TENM2: variants seen among roughly 807,000 people sequenced by gnomAD.
TENM2 encodes the protein teneurin transmembrane protein 2.
A neutral mutation model predicts 245.2 loss-of-function variants in TENM2; 52 were observed. The ratio of observed to expected loss-of-function variants is 0.21; its 90% CI spans 0.17 to 0.27. The LOEUF is 0.27. Among genes scored for constraint, TENM2 ranks in the 10% least tolerant of loss-of-function variants. TENM2 has a pLI of 1.00. For synonymous variants in TENM2, 1,363 were observed against 1,438.9 expected (o/e 0.95, Z 1.19); for missense variants, 3,046 against 3,666.8 (o/e 0.83, Z 4.37).
At chr5:167,086,545 G>T in the TENM2 span, among the ~76,000 whole-genome samples, 2 of 152,124 alleles carry the variant, frequency 1.3e-5, no homozygotes, top group Non-Finnish European at 2.9e-5. Flanking sequence ...ATGCATAGGA[G>T]CCAGCTGCTA....
At chr5:167,406,227 A>C (rs1581955624) in intron 2 of TENM2, among the ~76,000 whole-genome samples, 1 of 152,164 alleles carries the variant, frequency 6.6e-6, no homozygotes. Flanking sequence ...CCACCTTGTC[A>C]GTTCTCATCC....
At position 167,354,154 on chromosome 5, in the gene TENM2, A is replaced by T. The variant is rs542062526; in HGVS notation, c.227-21044A>T. Among the ~76,000 whole-genome samples the T allele has an allele frequency of 6.8e-3, 1,033 of 152,292 alleles. 4 individuals are homozygous for T. Among genetic ancestry groups the T allele is most frequent in the Non-Finnish European group, 0.012 (804 of 68,024 alleles). ...TTTACATGGGTAAAGACCAGCCGGA[A>T]CTGCCAAGGCAGATCTGGCGTGATG... On this transcript the variant is annotated intron_variant, in intron 1 of 28. Coordinates refer to ENST00000518659, the Ensembl canonical transcript of TENM2.
chr5:168,241,469 CCAGGCTGGTCTCAAACTCCTGACCT>C (rs1342619703), intron 25 of TENM2, among the ~76,000 whole-genome samples: 24 of 150,516 alleles, frequency 1.6e-4, no homozygotes, highest in Admixed American at 1.6e-3. Flanking sequence ...ACCATGTTGG[CCAGGCTGGTCTCAAACTCCTGACCT>C]CAGGTGATCT....
intron 2 of TENM2, among the ~76,000 whole-genome samples, chr5:167,608,338 A>T (rs917048074): frequency 6.6e-6 from 1 of 152,170 alleles, no homozygotes; most frequent in Non-Finnish European, 1.5e-5. Context: ...AGTGTCTCCC[A>T]AACTTTGAGA....
intron 5 of TENM2, among the ~76,000 whole-genome samples, chr5:167,993,470 C>G (rs1783822294): frequency 6.6e-6 from 1 of 152,222 alleles, no homozygotes; most frequent in Non-Finnish European, 1.5e-5. Flanking sequence ...TCCCGCAAAC[C>G]TATCCCTCAC....
At chr5:168,171,321 C>A (rs930338434) in intron 13 of TENM2, among the ~76,000 whole-genome samples, 3 of 152,316 alleles carry the variant, frequency 2.0e-5, no homozygotes, top group Middle Eastern at 3.4e-3. Context: ...GATAAGGATA[C>A]AAAGGCTCAA....
chr5:168,113,079 G>A (rs532421933), intron 9 of TENM2, among the ~76,000 whole-genome samples: 1 of 152,328 alleles, frequency 6.6e-6, no homozygotes, highest in South Asian at 2.1e-4. Flanking sequence ...CACTTTGGGA[G>A]GCTGAGGCAG....
At chr5:168,120,633 C>A (rs546670507) in intron 10 of TENM2, among the ~76,000 whole-genome samples, 1 of 152,230 alleles carries the variant, frequency 6.6e-6, no homozygotes, top group East Asian at 1.9e-4. Context: ...AAACAAGCCA[C>A]GTGAATCATT....
At chr5:167,283,229 A>T (rs140433667), upstream of TENM2, among the ~76,000 whole-genome samples, 11 of 151,796 alleles carry the variant, frequency 7.2e-5, no homozygotes, top group African/African-American at 2.2e-4. Flanking sequence ...TTGTATTTTC[A>T]GTAGAGACGG....
At chr5:167,280,919 A>G (rs912979016), upstream of TENM2, among the ~76,000 whole-genome samples, 71 of 151,634 alleles carry the variant, frequency 4.7e-4, no homozygotes, top group African/African-American at 1.7e-3. Flanking sequence ...TCTTCTTTCT[A>G]CTTTTCATAA....
chr5:167,665,155 G>A (rs1755486173), intron 2 of TENM2, among the ~76,000 whole-genome samples: 1 of 152,108 alleles, frequency 6.6e-6, no homozygotes, highest in African/African-American at 2.4e-5. Context: ...TTACTCTTCT[G>A]AATCTCTGTT....
chr5:167,384,702 G>GCACGCACACACA (rs72135068), intron 2 of TENM2, among the ~76,000 whole-genome samples: 2 of 146,864 alleles, frequency 1.4e-5, no homozygotes, highest in African/African-American at 2.5e-5. Context: ...GCACACGCGT[G>GCACGCACACACA]CGCGCACACA....
intron 2 of TENM2, among the ~76,000 whole-genome samples, chr5:167,640,880 T>C (rs1331144858): frequency 3.2e-5 from 2 of 62,966 alleles, no homozygotes; most frequent in African/African-American, 1.2e-4. Flanking sequence ...TATATATATA[T>C]ATATATATAT....
the TENM2 span, among the ~76,000 whole-genome samples, chr5:167,017,212 T>C: frequency 6.6e-6 from 1 of 152,214 alleles, no homozygotes; most frequent in Non-Finnish European, 1.5e-5. Context: ...TAACTGCTTA[T>C]TGGTGGTCCT....
chr5:167,853,309 A>G (rs1223429446), intron 2 of TENM2, among the ~76,000 whole-genome samples: 1 of 138,584 alleles, frequency 7.2e-6, no homozygotes, highest in African/African-American at 2.8e-5. Context: ...AAAAAAAAAA[A>G]AAAGAAAGTG....
At chr5:168,226,094 C>T (rs745784330) in exon 24 of TENM2, 2 of 1,612,790 alleles carry the variant, frequency 1.2e-6, no homozygotes, top group African/African-American at 2.7e-5. Context: ...CCAGCTATGA[C>T]CACGAAGGCC....
In TENM2 at chr5:168,198,462, C is replaced by T. The variant is rs189482197; in HGVS notation, c.2901-391C>T. On this transcript the variant is annotated intron_variant, in intron 15 of 28. Transcript: ENST00000518659. ...GCACTCACCTCAGCCTCACAAAGTG[C>T]TGGGATTACAGGCGTAAGCCACCAT... Among the ~76,000 whole-genome samples the T allele has an allele frequency of 6.3e-3, 957 of 152,288 alleles. 6 individuals carry two copies. The highest frequency in any genetic ancestry group is 8.9e-3 in the Non-Finnish European group (606 of 68,012).
At chr5:167,469,049 A>T (rs1328765835) in intron 2 of TENM2, among the ~76,000 whole-genome samples, 1 of 152,188 alleles carries the variant, frequency 6.6e-6, no homozygotes, top group African/African-American at 2.4e-5. Context: ...GTACCTTTAG[A>T]TTTACATAGA....
intron 2 of TENM2, among the ~76,000 whole-genome samples, chr5:167,749,119 G>A (rs994517683): frequency 9.2e-5 from 14 of 151,452 alleles, no homozygotes; most frequent in Admixed American, 9.2e-4. Flanking sequence ...ATATTTCTTG[G>A]AATAATTATC....
Sources: allele counts gnomAD v4.1 joint callset (sites outside exome capture counted in the v4.1 genomes callset), GRCh38; gene constraint gnomAD v4.1.1; transcripts MANE v1.5; gene names NCBI Gene and HGNC (gene_info 2026-07-23, HGNC 2026-07-21).